The following SPON1 variants were observed in gnomAD, a reference collection of about 807,000 sequenced individuals.
SPON1 encodes the protein spondin-1.
In SPON1, 52 loss-of-function variants were observed where a neutral mutation model predicts 111.7. The ratio of observed to expected loss-of-function variants is 0.47; its 90% CI spans 0.37 to 0.59. SPON1 has a LOEUF of 0.59. Among genes scored for constraint, SPON1 ranks in the 20% least tolerant of loss-of-function variants. The pLI is 0.00. For missense variants in SPON1, 957 were observed against 1,068.5 expected (o/e 0.90, Z 1.46); for synonymous variants, 410 against 395.8 (o/e 1.04, Z -0.43).
intron 6 of SPON1, among the ~76,000 whole-genome samples, chr11:14,199,150 A>G (rs782635953): frequency 3.9e-5 from 6 of 152,216 alleles, no homozygotes; most frequent in Admixed American, 6.5e-5. Flanking sequence ...ATGAATAAAT[A>G]GTGCACAGCC....
chr11:14,198,862 G>A (rs892472381), intron 6 of SPON1, among the ~76,000 whole-genome samples: 2 of 152,214 alleles, frequency 1.3e-5, no homozygotes, highest in Non-Finnish European at 2.9e-5. Flanking sequence ...TAAAGCTTAA[G>A]CTTAGAAAAG....
intron 2 of SPON1, among the ~76,000 whole-genome samples, chr11:13,992,038 C>T (rs1236260912): frequency 6.6e-6 from 1 of 152,182 alleles, no homozygotes; most frequent in Non-Finnish European, 1.5e-5. Context: ...ACACGGGGGT[C>T]AGGGACCCAC....
intron 15 of SPON1, among the ~76,000 whole-genome samples, chr11:14,265,153 C>T (rs1849249562): frequency 6.6e-6 from 1 of 152,118 alleles, no homozygotes. Context: ...ATGGCTGGGG[C>T]TTCTCTGCAC....
At chr11:14,218,265 C>T (rs1164170532) in intron 6 of SPON1, among the ~76,000 whole-genome samples, 5 of 152,144 alleles carry the variant, frequency 3.3e-5, no homozygotes, top group African/African-American at 9.7e-5. Flanking sequence ...TTCTCCCTCC[C>T]GAGTCCTCTC....
At chr11:14,173,311 A>T (rs1554932720) in intron 6 of SPON1, among the ~76,000 whole-genome samples, 1 of 152,050 alleles carries the variant, frequency 6.6e-6, no homozygotes, top group Non-Finnish European at 1.5e-5. Context: ...TGCATTCGTC[A>T]CGTAGTTCTA....
intron 1 of SPON1, 105 bp from the exon 2 acceptor site, chr11:13,982,742 A>C: frequency 1.3e-6 from 1 of 764,938 alleles, no homozygotes; most frequent in Non-Finnish European, 2.2e-6. Context: ...GGCCTCTGTA[A>C]CTCACAGGTC....
chr11:14,206,908 A>G (rs782706906), intron 6 of SPON1, among the ~76,000 whole-genome samples: 1 of 152,208 alleles, frequency 6.6e-6, no homozygotes, highest in Non-Finnish European at 1.5e-5. Context: ...GTGAAACCAA[A>G]AAAGAGCCCA....
At chr11:14,240,831 G>T (rs1403300994) in intron 6 of SPON1, among the ~76,000 whole-genome samples, 2 of 152,020 alleles carry the variant, frequency 1.3e-5, no homozygotes, top group African/African-American at 4.8e-5. Flanking sequence ...TCATTACCAG[G>T]ATCTGATATC....
chr11:14,244,171 C>T lies in SPON1; in HGVS notation c.890+775C>T, dbSNP rs782703873. Among the ~76,000 whole-genome samples the T allele has an allele frequency of 2.0e-5, 3 of 152,170 alleles. No individual in the cohort carries two copies. The South Asian group carries it at 6.2e-4, about 31-fold the overall frequency. Reference sequence around the variant, plus strand: ...TGGACCACGTCACCTTTTTCCTTTGCTGTAGTCTCCCTCAGTCCAATTCCT... The same window carrying T: ...TGGACCACGTCACCTTTTTCCTTTGTTGTAGTCTCCCTCAGTCCAATTCCT... On this transcript the variant is annotated intron_variant, in intron 7 of 15. Coordinates refer to ENST00000576479, the MANE Select transcript of SPON1 (RefSeq NM_006108.4).
intron 5 of SPON1, among the ~76,000 whole-genome samples, chr11:14,107,735 GAGAGTGGAA>G (rs1273993568): frequency 6.6e-6 from 1 of 152,138 alleles, no homozygotes; most frequent in Non-Finnish European, 1.5e-5. Context: ...AGAGTAATGC[GAGAGTGGAA>G]AGGAAGCCTT....
intron 3 of SPON1, among the ~76,000 whole-genome samples, chr11:14,042,638 A>G (rs1274938071): frequency 1.3e-5 from 2 of 152,190 alleles, no homozygotes; most frequent in Non-Finnish European, 2.9e-5. Context: ...GACCTTCCCA[A>G]CAGCCTTTCT....
chr11:13,962,778 G>T lies in SPON1; in HGVS notation c.-127G>T, dbSNP rs1847982417. 7 of 867,876 alleles carry T rather than the reference G, an allele frequency of 8.1e-6. No individual in the cohort carries two copies. In the South Asian group the frequency reaches 1.3e-4, roughly 16 times the overall value. 53.8% of individuals were successfully genotyped at this position (867,876 alleles called of 1,614,324 possible). A position where few individuals can be genotyped will look rare whatever the true frequency, so the allele number is the denominator to read the frequency against. The stretch of plus-strand genomic sequence containing the variant: ...GAGGCGGGCACGGTCTCCGAGTCGC[G>T]GACGCCAGCTCCGAGCTCCCTCTCT... On this transcript the variant is annotated 5_prime_UTR_variant, in exon 1 of 16. Coordinates refer to ENST00000576479, the MANE Select transcript of SPON1 (RefSeq NM_006108.4).
chr11:14,072,489 A>T (rs980371676), intron 3 of SPON1, among the ~76,000 whole-genome samples: 16 of 151,992 alleles, frequency 1.1e-4, no homozygotes, highest in African/African-American at 3.9e-4. Flanking sequence ...TACAGAGGCA[A>T]GCAAAGGCAG....
intron 6 of SPON1, among the ~76,000 whole-genome samples, chr11:14,168,817 C>G: frequency 6.6e-6 from 1 of 152,140 alleles, no homozygotes; most frequent in Non-Finnish European, 1.5e-5. Context: ...CACGTCCCTA[C>G]GAAGGACATG....
chr11:14,028,587 T>C (rs983350656), intron 2 of SPON1, among the ~76,000 whole-genome samples: 8 of 152,292 alleles, frequency 5.3e-5, no homozygotes, highest in African/African-American at 1.9e-4. Flanking sequence ...TTCCCACTTA[T>C]TCAGTGTATA....
intron 6 of SPON1, among the ~76,000 whole-genome samples, chr11:14,235,707 A>AAAAAAAAAAAG (rs1848857275): frequency 7.2e-6 from 1 of 138,834 alleles, no homozygotes; most frequent in African/African-American, 2.6e-5. Context: ...AAAAAAAAAA[A>AAAAAAAAAAAG]GTAAGCAAAA....
At chr11:14,144,995 TG>T (rs1165568512) in intron 6 of SPON1, among the ~76,000 whole-genome samples, 2 of 151,696 alleles carry the variant, frequency 1.3e-5, no homozygotes, top group South Asian at 2.1e-4. Flanking sequence ...CCATGTAGTA[TG>T]GGTAAGTGGG....
At chr11:14,033,668 T>C (rs1686769765) in intron 2 of SPON1, among the ~76,000 whole-genome samples, 1 of 152,212 alleles carries the variant, frequency 6.6e-6, no homozygotes, top group Non-Finnish European at 1.5e-5. Context: ...ATGAAAAGTT[T>C]TAGAAGCCTA....
At chr11:14,177,627 C>A (rs1345513805) in intron 6 of SPON1, among the ~76,000 whole-genome samples, 11 of 152,296 alleles carry the variant, frequency 7.2e-5, no homozygotes, top group African/African-American at 2.4e-4. Context: ...AATTTCTAAT[C>A]TTGTGGCTAA....
Sources: allele counts gnomAD v4.1 joint callset (sites outside exome capture counted in the v4.1 genomes callset), GRCh38; gene constraint gnomAD v4.1.1; transcripts MANE v1.5; gene names NCBI Gene and HGNC (gene_info 2026-07-23, HGNC 2026-07-21).